LTBP1: variants seen among roughly 807,000 people sequenced by gnomAD.
LTBP1 encodes latent transforming growth factor beta binding protein 1.
LTBP1 carries 129 observed loss-of-function variants against 207.6 expected under a neutral mutation model. The ratio of observed to expected loss-of-function variants is 0.62; its 90% CI spans 0.54 to 0.72. The LOEUF (loss-of-function observed/expected upper bound fraction) is 0.72, where lower values mean the gene tolerates loss of function less well. LTBP1 is among the 30% of genes least tolerant of loss of function. The pLI, the probability that LTBP1 is intolerant of heterozygous loss-of-function variation, is 0.00. For synonymous variants in LTBP1, 963 were observed against 833.7 expected (o/e 1.16, Z -2.67); for missense variants, 2,281 against 2,217.2 (o/e 1.03, Z -0.58).
chr2:32,964,653 G>A (rs935389590), intron 2 of LTBP1, among the ~76,000 whole-genome samples: 1 of 151,468 alleles, frequency 6.6e-6, no homozygotes, highest in Non-Finnish European at 1.5e-5. Context: ...TCTAAGAAAT[G>A]GTGTTAAAAT....
intron 5 of LTBP1, among the ~76,000 whole-genome samples, chr2:33,164,312 T>G (rs2148219037): frequency 7.9e-6 from 1 of 126,906 alleles, no homozygotes; most frequent in South Asian, 2.5e-4. Flanking sequence ...ATTGCGCCAC[T>G]GCACTCCAGC....
chr2:33,312,651 A>G (rs1558993785), intron 23 of LTBP1, among the ~76,000 whole-genome samples: 1 of 151,910 alleles, frequency 6.6e-6, no homozygotes, highest in Non-Finnish European at 1.5e-5. Context: ...AGTTCCAAAT[A>G]TTCATGTTGT....
At chr2:33,240,211 A>G (rs1383634644) in intron 9 of LTBP1, among the ~76,000 whole-genome samples, 1 of 152,164 alleles carries the variant, frequency 6.6e-6, no homozygotes, top group Non-Finnish European at 1.5e-5. Flanking sequence ...CCATTCACCC[A>G]TCACGTTCCA....
At chr2:33,009,549 G>A (rs1404085524) in intron 2 of LTBP1, among the ~76,000 whole-genome samples, 1 of 152,182 alleles carries the variant, frequency 6.6e-6, no homozygotes, top group Non-Finnish European at 1.5e-5. Context: ...AAGGACATCT[G>A]TTAAGCCAAA....
intron 2 of LTBP1, among the ~76,000 whole-genome samples, chr2:32,964,878 A>G (rs1308194168): frequency 3.3e-5 from 5 of 152,042 alleles, no homozygotes; most frequent in Admixed American, 2.6e-4. Flanking sequence ...CGTCTCTACT[A>G]AAAATATAAA....
At chr2:33,144,127 G>T (rs2082837276) in intron 5 of LTBP1, among the ~76,000 whole-genome samples, 2 of 151,878 alleles carry the variant, frequency 1.3e-5, no homozygotes, top group Non-Finnish European at 2.9e-5. Context: ...GAGAGAGTGT[G>T]CTTATGTCTC....
At chr2:33,304,370 G>A (rs1053081943) in intron 22 of LTBP1, among the ~76,000 whole-genome samples, 16 of 152,160 alleles carry the variant, frequency 1.1e-4, no homozygotes, top group African/African-American at 3.6e-4. Context: ...CTGTTCACAC[G>A]CCTCTGACAG....
chr2:32,951,800 T>A (rs1192195571), intron 2 of LTBP1, among the ~76,000 whole-genome samples: 1 of 152,248 alleles, frequency 6.6e-6, no homozygotes. Context: ...TTCTATCTCC[T>A]TTGTCGATGA....
Position 33,274,884 on chromosome 2 carries a change from G to C in LTBP1, c.2744-81G>C, listed in dbSNP as rs2093394937. 4.1e-5 allele frequency: 58 copies of C among 1,398,834 alleles called. No homozygotes were observed. In the South Asian group the frequency reaches 6.8e-4, roughly 17 times the overall value. 86.7% of individuals were successfully genotyped at this position (1,398,834 alleles called of 1,614,324 possible). ...AAGGTTGGGTGGTACCCAGGGAATA[G>C]TATGATGGTATTTTACAGAACAGGG... On this transcript the variant is annotated intron_variant, in intron 16 of 33. Transcript: ENST00000404816.
chr2:32,994,620 C>G (rs13404403), intron 2 of LTBP1, among the ~76,000 whole-genome samples: 4,855 of 152,088 alleles, frequency 0.032, 262 homozygotes, highest in African/African-American at 0.11. Flanking sequence ...GCATGTGCCA[C>G]CATGCCTGGA....
At chr2:33,318,032 AGATGT>A (rs1317418490) in intron 24 of LTBP1, 4 of 152,242 alleles carry the variant, frequency 2.6e-5, no homozygotes, top group African/African-American at 7.2e-5. Context: ...TTATGAGTGC[AGATGT>A]GATGCTCAAA....
At chr2:33,245,752 TTTAAA>T (rs1285280544) in intron 10 of LTBP1, among the ~76,000 whole-genome samples, 1 of 152,248 alleles carries the variant, frequency 6.6e-6, no homozygotes. Context: ...CATTTTATAA[TTTAAA>T]TGTAAAGATT....
intron 3 of LTBP1, among the ~76,000 whole-genome samples, chr2:33,065,099 T>C (rs1157231696): frequency 2.0e-5 from 3 of 152,242 alleles, no homozygotes; most frequent in East Asian, 1.9e-4. Flanking sequence ...TTGCTGAGTG[T>C]TTCCTTTTAT....
intron 22 of LTBP1, among the ~76,000 whole-genome samples, chr2:33,301,884 T>C (rs914229712): frequency 2.0e-5 from 3 of 152,196 alleles, no homozygotes; most frequent in South Asian, 2.1e-4. Flanking sequence ...CATAAAAGAA[T>C]CAGTTTAACT....
intron 8 of LTBP1, among the ~76,000 whole-genome samples, chr2:33,217,989 C>T (rs919642310): frequency 1.3e-5 from 2 of 151,926 alleles, no homozygotes; most frequent in African/African-American, 4.8e-5. Flanking sequence ...TGTTTCAAAC[C>T]CTGTAAAAAG....
intron 4 of LTBP1, among the ~76,000 whole-genome samples, chr2:33,122,059 C>A (rs2150400826): frequency 6.6e-6 from 1 of 151,674 alleles, no homozygotes; most frequent in African/African-American, 2.4e-5. Flanking sequence ...CTTGTCATGG[C>A]TTCCTGTGGG....
intron 24 of LTBP1, among the ~76,000 whole-genome samples, chr2:33,321,195 C>G (rs1166118932): frequency 6.6e-6 from 1 of 152,138 alleles, no homozygotes; most frequent in African/African-American, 2.4e-5. Flanking sequence ...CTTGTCACAT[C>G]TAGCCTGAAC....
At chr2:33,357,505 A>G (rs570174988) in intron 26 of LTBP1, among the ~76,000 whole-genome samples, 54 of 152,310 alleles carry the variant, frequency 3.5e-4, no homozygotes, top group Non-Finnish European at 5.3e-4. Flanking sequence ...AACCGACATT[A>G]GTTTTCTCTT....
Position 33,015,389 on chromosome 2 carries a change from A to G in LTBP1, c.566-5520A>G, listed in dbSNP as rs543024978. ...AGAGACCATTGGCCATCTTTCCTTTATAGACGTCCTTAAATCCCCCAGCAT... is the reference window on the plus strand; with the variant it reads ...AGAGACCATTGGCCATCTTTCCTTTGTAGACGTCCTTAAATCCCCCAGCAT... On this transcript the variant is annotated intron_variant, in intron 2 of 33. Coordinates refer to ENST00000404816, the MANE Select transcript of LTBP1 (RefSeq NM_206943.4). 1.2e-4 allele frequency among the ~76,000 whole-genome samples: 18 copies of G among 152,302 alleles called. 1 individual carries two copies. In the South Asian group the frequency reaches 3.5e-3, roughly 30 times the overall value.
Sources: allele counts gnomAD v4.1 joint callset (sites outside exome capture counted in the v4.1 genomes callset), GRCh38; gene constraint gnomAD v4.1.1; transcripts MANE v1.5; gene names NCBI Gene and HGNC (gene_info 2026-07-23, HGNC 2026-07-21).